Variants in TGFBR3 observed in about 807,000 individuals in gnomAD.
TGFBR3 encodes transforming growth factor beta receptor type 3.
Under a neutral mutation model 87.9 loss-of-function variants are expected in TGFBR3, and 46 were observed. The observed-to-expected ratio is 0.52, with a 90% confidence interval of 0.41 to 0.67. TGFBR3 has a LOEUF of 0.67. Among genes scored for constraint, TGFBR3 ranks in the 30% least tolerant of loss-of-function variants. TGFBR3 has a pLI of 0.00. For synonymous variants in TGFBR3, 381 were observed against 391.6 expected (o/e 0.97, Z 0.32); for missense variants, 866 against 1,041.9 (o/e 0.83, Z 2.32).
intron 12 of TGFBR3, among the ~76,000 whole-genome samples, chr1:91,715,854 G>GAA (rs71586709): frequency 0.19 from 29,077 of 150,082 alleles, 2,922 homozygotes; most frequent in African/African-American, 0.23. Context: ...ACTGTGCAGG[G>GAA]AAAAAAAAAG....
chr1:91,728,823 G>A (rs566363047), intron 6 of TGFBR3, among the ~76,000 whole-genome samples: 8 of 152,246 alleles, frequency 5.3e-5, no homozygotes, highest in East Asian at 3.9e-4. Flanking sequence ...CACTAGTCCA[G>A]ATGCAAAGGA....
chr1:91,821,563 G>A (rs532694858), intron 2 of TGFBR3, among the ~76,000 whole-genome samples: 2 of 152,202 alleles, frequency 1.3e-5, no homozygotes, highest in South Asian at 4.2e-4. Context: ...TGGTTTAAAG[G>A]AACAATCTCA....
Position 91,716,316 on chromosome 1 carries a change from C to T in TGFBR3, c.1786G>A (p.Glu596Lys). 6.2e-7 allele frequency: 1 copy of T among 1,614,144 alleles called. No individual in the cohort carries two copies. Among genetic ancestry groups the T allele is most frequent in the Non-Finnish European group, 8.5e-7 (1 of 1,180,030 alleles). The change falls in exon 12 of 17, where the codon GAG (glutamate) becomes AAG (lysine). Residue 596 changes from glutamate (E) to lysine (K), a missense_variant. Glu to Lys is a moderately conservative substitution (Grantham distance 56, BLOSUM62 1). Transcript: ENST00000212355. ...AAAAAGAGGTCAGTGTTGTATAGCTCCATGTTGAAGGTGATGTTTCCGTGG... is the reference window on the plus strand; with the variant it reads ...AAAAAGAGGTCAGTGTTGTATAGCTTCATGTTGAAGGTGATGTTTCCGTGG... ...QPHGNITFNM[E>K]LYNTDLFLVP...
At chr1:91,824,628 G>A (rs1013737607) in intron 2 of TGFBR3, among the ~76,000 whole-genome samples, 10 of 152,152 alleles carry the variant, frequency 6.6e-5, no homozygotes, top group African/African-American at 1.7e-4. Flanking sequence ...CAAGCATGTG[G>A]AGAAACTAGA....
intron 3 of TGFBR3, among the ~76,000 whole-genome samples, chr1:91,765,768 T>C (rs12044500): frequency 0.15 from 23,114 of 152,250 alleles, 2,187 homozygotes; most frequent in Non-Finnish European, 0.2. Context: ...TATTCCACTA[T>C]CTTTTAGAGG....
chr1:91,697,172 T>C (rs978230907), intron 15 of TGFBR3, among the ~76,000 whole-genome samples: 1 of 152,140 alleles, frequency 6.6e-6, no homozygotes, highest in Non-Finnish European at 1.5e-5. Context: ...GATGCAAAAA[T>C]TGAACATGAT....
chr1:91,789,978 T>C (rs1294086234), intron 3 of TGFBR3, among the ~76,000 whole-genome samples: 1 of 152,188 alleles, frequency 6.6e-6, no homozygotes, highest in Middle Eastern at 3.2e-3. Flanking sequence ...TCCAATCCTA[T>C]GTGGACAGAC....
chr1:91,839,266 A>G (rs2087300), intron 2 of TGFBR3, among the ~76,000 whole-genome samples: 17,767 of 152,176 alleles, frequency 0.12, 1,316 homozygotes, highest in East Asian at 0.38. Context: ...AGTGTGAGCC[A>G]CCACACCCAG....
chr1:91,896,288 G>A (rs1250431534), intron 2 of TGFBR3, among the ~76,000 whole-genome samples: 3 of 152,138 alleles, frequency 2.0e-5, no homozygotes, highest in Non-Finnish European at 4.4e-5. Flanking sequence ...TCAAATTAAG[G>A]GATGGTTTCA....
intron 14 of TGFBR3, among the ~76,000 whole-genome samples, chr1:91,706,097 C>T (rs1309566555): frequency 6.6e-6 from 1 of 152,170 alleles, no homozygotes; most frequent in Non-Finnish European, 1.5e-5. Context: ...AGCAGAATTA[C>T]CTCTCTCAAA....
At chr1:91,774,926 A>G (rs1674517033) in intron 3 of TGFBR3, among the ~76,000 whole-genome samples, 1 of 152,216 alleles carries the variant, frequency 6.6e-6, no homozygotes, top group Non-Finnish European at 1.5e-5. Context: ...AAAGGATAAA[A>G]CCAAAAATGA....
intron 4 of TGFBR3, among the ~76,000 whole-genome samples, chr1:91,752,723 TA>T (rs60021429): frequency 0.16 from 23,890 of 146,506 alleles, 1,989 homozygotes; most frequent in East Asian, 0.25. Flanking sequence ...AAAGCAAGAT[TA>T]AAAAAAAAAA....
chr1:91,804,218 G>T (rs1675752123), intron 2 of TGFBR3, among the ~76,000 whole-genome samples: 1 of 152,146 alleles, frequency 6.6e-6, no homozygotes, highest in African/African-American at 2.4e-5. Flanking sequence ...GAAGGAGGTG[G>T]CATTTTTGGT....
intron 2 of TGFBR3, among the ~76,000 whole-genome samples, chr1:91,841,793 C>CA (rs57953815): frequency 0.23 from 20,216 of 88,308 alleles, 2,757 homozygotes; most frequent in Middle Eastern, 0.34. Context: ...GACTCCATCT[C>CA]AAAAAAAAAA....
At chr1:91,782,350 G>C (rs1674803623) in intron 3 of TGFBR3, among the ~76,000 whole-genome samples, 1 of 152,170 alleles carries the variant, frequency 6.6e-6, no homozygotes, top group Non-Finnish European at 1.5e-5. Context: ...CTTTGATTTT[G>C]GAAGATGCCC....
rs2100671639 is a variant in TGFBR3, at chr1:91,680,732, A to T, written c.*3007T>A. ...ACAACCAGCAGTACAATCATCATTC[A>T]AACCATGAGGTAGTTACAGTACAAA... On this transcript the variant is annotated 3_prime_UTR_variant, in exon 17 of 17. Transcript: ENST00000212355. The T allele has an allele frequency of 2.2e-6, 1 of 454,134 alleles. No individual in the cohort carries two copies. The allele number at this position is 454,134 out of a possible 1,614,324, so 28.1% of individuals were successfully genotyped here. A position where few individuals can be genotyped will look rare whatever the true frequency, so the allele number is the denominator to read the frequency against.
chr1:91,865,066 G>A (rs757186431), intron 1 of TGFBR3, among the ~76,000 whole-genome samples: 1 of 151,936 alleles, frequency 6.6e-6, no homozygotes, highest in Non-Finnish European at 1.5e-5. Flanking sequence ...AGCCAGGCGT[G>A]GTGGTACGTG....
At chr1:91,892,282 C>T (rs2101332923) in intron 2 of TGFBR3, among the ~76,000 whole-genome samples, 1 of 152,108 alleles carries the variant, frequency 6.6e-6, no homozygotes, top group South Asian at 2.1e-4. Flanking sequence ...CCTTGCTCTC[C>T]CAACAGCAGG....
At chr1:91,748,546 C>T (rs908547654) in intron 4 of TGFBR3, among the ~76,000 whole-genome samples, 7 of 152,136 alleles carry the variant, frequency 4.6e-5, no homozygotes, top group African/African-American at 1.7e-4. Flanking sequence ...AAGAAGTTTG[C>T]TCACCTGATG....
Sources: allele counts gnomAD v4.1 joint callset (sites outside exome capture counted in the v4.1 genomes callset), GRCh38; gene constraint gnomAD v4.1.1; transcripts MANE v1.5; gene names NCBI Gene and HGNC (gene_info 2026-07-23, HGNC 2026-07-21).